Variants in DGKB observed in about 807,000 individuals in gnomAD.
DGKB encodes 90 kDa diacylglycerol kinase.
Under a neutral mutation model 114.3 loss-of-function variants are expected in DGKB, and 67 were observed. That is an observed-to-expected ratio of 0.59 (90% CI 0.48 to 0.72). The LOEUF (loss-of-function observed/expected upper bound fraction) is 0.72, where lower values mean the gene tolerates loss of function less well. Among genes scored for constraint, DGKB ranks in the 30% least tolerant of loss-of-function variants. The probability of loss-of-function intolerance (pLI) is 0.00; values close to 1 mark genes in which losing one functional copy is unlikely to be tolerated. For missense variants in DGKB, 907 were observed against 975.2 expected, an observed-to-expected ratio of 0.93 and a Z score of 0.93; for synonymous variants, 398 against 323.1, an observed-to-expected ratio of 1.23 and a Z score of -2.49.
At chr7:14,441,583 T>G (rs1213439924) in intron 21 of DGKB, among the ~76,000 whole-genome samples, 1 of 152,104 alleles carries the variant, frequency 6.6e-6, no homozygotes, top group African/African-American at 2.4e-5. Flanking sequence ...CCTATATATT[T>G]TTGTAAAAGT....
chr7:14,726,408 C>A (rs891410841), intron 5 of DGKB, among the ~76,000 whole-genome samples: 1 of 152,164 alleles, frequency 6.6e-6, no homozygotes. Context: ...GCTGGGATTA[C>A]AGACGTGAGC....
intron 1 of DGKB, among the ~76,000 whole-genome samples, chr7:14,943,904 T>C (rs746000990): frequency 6.6e-6 from 1 of 151,824 alleles, no homozygotes; most frequent in Non-Finnish European, 1.5e-5. Flanking sequence ...TCTTTTAAGG[T>C]TTCATCTGTT....
At chr7:14,534,309 A>T (rs1285698946) in intron 20 of DGKB, among the ~76,000 whole-genome samples, 2 of 152,066 alleles carry the variant, frequency 1.3e-5, no homozygotes, top group Non-Finnish European at 2.9e-5. Context: ...AGATATGCAA[A>T]AGACAAAGAG....
chr7:14,803,525 T>C (rs1842434567), intron 2 of DGKB, among the ~76,000 whole-genome samples: 3 of 152,182 alleles, frequency 2.0e-5, no homozygotes, highest in Admixed American at 6.6e-5. Flanking sequence ...TGTTTCTCAT[T>C]TGTAAATTTT....
At chr7:14,428,041 C>T (rs531472050) in intron 21 of DGKB, among the ~76,000 whole-genome samples, 143 of 151,786 alleles carry the variant, frequency 9.4e-4, no homozygotes, top group African/African-American at 3.3e-3. Flanking sequence ...TCAATATTTT[C>T]AATATTGAAA....
chr7:14,785,661 G>T (rs566400090), intron 2 of DGKB, among the ~76,000 whole-genome samples: 21 of 152,272 alleles, frequency 1.4e-4, no homozygotes, highest in Admixed American at 3.9e-4. Context: ...GCATGTCACA[G>T]AGAACTGTAA....
At position 14,940,974 on chromosome 7, in the gene DGKB, C is replaced by T. The variant is rs145047679; in HGVS notation, c.-188+33722G>A. ...TCTCAAATAGCTTAGGTCTGAAATA[C>T]GACTTTGATAGGAGAGAATATAAAT... On this transcript the variant is annotated intron_variant, in intron 1 of 4. Coordinates refer to the DGKB transcript ENST00000437998. Among the ~76,000 whole-genome samples, 727 of 152,010 alleles carry T rather than the reference C, an allele frequency of 4.8e-3. 7 individuals carry two copies. Among genetic ancestry groups the T allele is most frequent in the African/African-American group, 0.015 (616 of 41,462 alleles).
At chr7:14,551,635 C>A (rs961782324) in intron 20 of DGKB, among the ~76,000 whole-genome samples, 3 of 152,050 alleles carry the variant, frequency 2.0e-5, no homozygotes, top group African/African-American at 7.2e-5. Flanking sequence ...AAGCCAAATA[C>A]AATTTATCTT....
At chr7:14,813,042 G>C (rs1409497682) in intron 2 of DGKB, among the ~76,000 whole-genome samples, 1 of 152,100 alleles carries the variant, frequency 6.6e-6, no homozygotes, top group Non-Finnish European at 1.5e-5. Flanking sequence ...AAAAATAGGA[G>C]AGCAAAGCTC....
intron 21 of DGKB, among the ~76,000 whole-genome samples, chr7:14,445,394 A>C (rs1296453121): frequency 2.0e-5 from 3 of 151,978 alleles, no homozygotes; most frequent in African/African-American, 4.8e-5. Context: ...ATTGATATTG[A>C]GGAAAAAATC....
chr7:14,361,173 A>T (rs1349963098), intron 21 of DGKB, among the ~76,000 whole-genome samples: 4 of 152,032 alleles, frequency 2.6e-5, no homozygotes, highest in Non-Finnish European at 5.9e-5. Flanking sequence ...TCTTTTTCCA[A>T]TTCTGTAACA....
chr7:14,675,648 G>T (rs1166190591), intron 12 of DGKB, among the ~76,000 whole-genome samples: 1 of 151,656 alleles, frequency 6.6e-6, no homozygotes, highest in Non-Finnish European at 1.5e-5. Context: ...TGCCGCTGTG[G>T]TCCTGAGTTT....
intron 21 of DGKB, among the ~76,000 whole-genome samples, chr7:14,456,370 A>G (rs545189599): frequency 5.3e-5 from 8 of 152,064 alleles, no homozygotes; most frequent in Non-Finnish European, 1.2e-4. Context: ...AATTCTGTAT[A>G]ATATAAGCTA....
chr7:14,490,896 A>G (rs1252066951), intron 20 of DGKB, among the ~76,000 whole-genome samples: 1 of 151,996 alleles, frequency 6.6e-6, no homozygotes, highest in African/African-American at 2.4e-5. Flanking sequence ...GAGCTGTGTG[A>G]TTTCCAAAGG....
chr7:14,149,900 G>A (rs1052399004), intron 25 of DGKB, among the ~76,000 whole-genome samples: 4 of 152,076 alleles, frequency 2.6e-5, no homozygotes, highest in African/African-American at 9.7e-5. Flanking sequence ...AAAGCTACTC[G>A]TTTTGATTTC....
chr7:14,726,785 G>T (rs1830096406), intron 5 of DGKB, among the ~76,000 whole-genome samples: 1 of 152,098 alleles, frequency 6.6e-6, no homozygotes, highest in Admixed American at 6.5e-5. Context: ...CTGTGTTTTT[G>T]ATAGATATAC....
At chr7:14,956,593 G>C (rs1786518343) in intron 1 of DGKB, among the ~76,000 whole-genome samples, 1 of 151,992 alleles carries the variant, frequency 6.6e-6, no homozygotes, top group Non-Finnish European at 1.5e-5. Context: ...TAGTATCAAA[G>C]AGGCTACATG....
At chr7:14,528,663 G>GA (rs1032779033) in intron 20 of DGKB, among the ~76,000 whole-genome samples, 81 of 151,302 alleles carry the variant, frequency 5.4e-4, no homozygotes, top group African/African-American at 1.8e-3. Context: ...AGTGAAAACA[G>GA]AAAAAAAACT....
chr7:14,725,371 T>C lies in DGKB; in HGVS notation c.323-6686A>G, dbSNP rs569112840. Among the ~76,000 whole-genome samples the C allele has an allele frequency of 7.0e-4, 106 of 152,160 alleles. 1 individual carries two copies. Among genetic ancestry groups the C allele is most frequent in the Non-Finnish European group, 1.2e-3 (79 of 68,006 alleles). ...GATAATTGAAAGTTATTTAAATTATTCTCAGTAATTTGAATATATATAAGT... is the reference window on the plus strand; with the variant it reads ...GATAATTGAAAGTTATTTAAATTATCCTCAGTAATTTGAATATATATAAGT... On this transcript the variant is annotated intron_variant, in intron 5 of 25. Transcript: ENST00000402815.
Sources: gnomAD v4.1 joint callset for allele counts (sites outside exome capture counted in the v4.1 genomes callset) on GRCh38, gnomAD v4.1.1 for gene constraint, MANE v1.5 for transcripts, NCBI Gene and HGNC (gene_info 2026-07-23, HGNC 2026-07-21) for gene names.